The following DENND2A variants were observed in gnomAD, a reference collection of about 807,000 sequenced individuals.
DENND2A encodes the protein DENN domain containing 2A.
A neutral mutation model predicts 105.3 loss-of-function variants in DENND2A; 53 were observed. That is an observed-to-expected ratio of 0.50 (90% CI 0.40 to 0.63). The LOEUF (loss-of-function observed/expected upper bound fraction) is 0.63, where lower values mean the gene tolerates loss of function less well. Ranked by LOEUF, DENND2A falls within the 30% of genes least tolerant of loss-of-function variation. The probability of loss-of-function intolerance (pLI) is 0.00; values close to 1 mark genes in which losing one functional copy is unlikely to be tolerated. For synonymous variants in DENND2A, 522 were observed against 508.4 expected, an observed-to-expected ratio of 1.03 and a Z score of -0.36; for missense variants, 1,138 against 1,279.6, an observed-to-expected ratio of 0.89 and a Z score of 1.69.
intron 15 of DENND2A, among the ~76,000 whole-genome samples, chr7:140,526,184 C>T (rs1796048996): frequency 6.6e-6 from 1 of 152,210 alleles, no homozygotes. Flanking sequence ...CCCCCAGCTG[C>T]CCACTTAACC....
At chr7:140,547,809 A>C (rs1796967741) in intron 12 of DENND2A, among the ~76,000 whole-genome samples, 1 of 152,212 alleles carries the variant, frequency 6.6e-6, no homozygotes, top group East Asian at 1.9e-4. Flanking sequence ...TGGCCATCAA[A>C]GTGCTGATAC....
rs1214946926 is a variant in DENND2A at position 140,588,754 on chromosome 7, C to CT, written c.996-975dup. Among the ~76,000 whole-genome samples, 9 of 142,494 alleles carry CT rather than the reference C, an allele frequency of 6.3e-5. No homozygotes were observed. The East Asian group carries it at 1.6e-3, about 25-fold the overall frequency. The allele number at this position is 142,494 out of a possible 152,430, so 93.5% of individuals were successfully genotyped here. ...AACCCAAAATTACTATTCTTATCCA[C>CT]TTTTTTTGGCACTTTTTTTTTTTTT... On this transcript the variant is annotated intron_variant, in intron 3 of 19. Coordinates refer to ENST00000496613, the MANE Select transcript of DENND2A (RefSeq NM_015689.5).
intron 5 of DENND2A, among the ~76,000 whole-genome samples, chr7:140,585,208 T>TCAA (rs569871863): frequency 1.3e-5 from 2 of 152,120 alleles, no homozygotes; most frequent in Non-Finnish European, 2.9e-5. Flanking sequence ...CTCAATTAAA[T>TCAA]CAACAACAAC....
intron 3 of DENND2A, among the ~76,000 whole-genome samples, chr7:140,590,731 G>A (rs1183993844): frequency 6.6e-6 from 1 of 152,084 alleles, no homozygotes; most frequent in Non-Finnish European, 1.5e-5. Context: ...AATTAGCTGG[G>A]CATGGTGGCA....
chr7:140,580,691 T>C (rs1372699158), intron 5 of DENND2A, among the ~76,000 whole-genome samples: 3 of 151,926 alleles, frequency 2.0e-5, no homozygotes, highest in African/African-American at 7.3e-5. Flanking sequence ...GGCTGGAGTG[T>C]AGTGGTGCAA....
chr7:140,533,238 G>A (rs1156972433), intron 14 of DENND2A, among the ~76,000 whole-genome samples: 9 of 152,046 alleles, frequency 5.9e-5, no homozygotes, highest in Non-Finnish European at 7.4e-5. Flanking sequence ...TGATCCACCC[G>A]ATTCAGCCTC....
At chr7:140,526,053 G>A (rs1378892334) in intron 15 of DENND2A, among the ~76,000 whole-genome samples, 1 of 152,182 alleles carries the variant, frequency 6.6e-6, no homozygotes, top group Non-Finnish European at 1.5e-5. Flanking sequence ...CTCACCGCCT[G>A]GCTTTCACAC....
chr7:140,557,248 T>C (rs1192725095), intron 11 of DENND2A, among the ~76,000 whole-genome samples: 2 of 151,212 alleles, frequency 1.3e-5, no homozygotes, highest in African/African-American at 2.4e-5. Flanking sequence ...CTACAAATAA[T>C]TAAAAAATTA....
intron 3 of DENND2A, among the ~76,000 whole-genome samples, chr7:140,595,476 G>C (rs10242147): frequency 0.01 from 1,549 of 152,196 alleles, 19 homozygotes; most frequent in African/African-American, 0.035. Context: ...GATTAAAAAA[G>C]CTTGGCTACA....
At chr7:140,614,859 T>C (rs1800026644) in intron 1 of DENND2A, among the ~76,000 whole-genome samples, 1 of 152,212 alleles carries the variant, frequency 6.6e-6, no homozygotes, top group Non-Finnish European at 1.5e-5. Context: ...TCATTTTCTT[T>C]AAACAAACAA....
chr7:140,583,326 A>T (rs757485645), intron 5 of DENND2A, among the ~76,000 whole-genome samples: 3 of 149,846 alleles, frequency 2.0e-5, no homozygotes, highest in Admixed American at 6.6e-5. Context: ...CAAACAAACA[A>T]GCAAACAAAA....
At chr7:140,536,979 T>C (rs1284105228) in intron 14 of DENND2A, among the ~76,000 whole-genome samples, 2 of 152,218 alleles carry the variant, frequency 1.3e-5, no homozygotes, top group East Asian at 1.9e-4. Context: ...GTGTTTTTCA[T>C]AGGACTTTGC....
In DENND2A at chr7:140,519,167, CTA is replaced by C. The variant is rs1563112444; in HGVS notation, c.2999-431_2999-430del. Among the ~76,000 whole-genome samples the C allele has an allele frequency of 2.5e-3, 383 of 152,318 alleles. 2 individuals carry two copies. Among genetic ancestry groups the C allele is most frequent in the African/African-American group, 8.9e-3 (371 of 41,578 alleles). On this transcript the variant is annotated intron_variant, in intron 19 of 19. Coordinates refer to ENST00000496613, the MANE Select transcript of DENND2A (RefSeq NM_015689.5). ...GGGCCTCACTGCTGCAGACACCTCC[CTA>C]CTGGGGCCTCCGTCCTCTTTTTTGG...
At chr7:140,592,670 G>T (rs915354073) in intron 3 of DENND2A, among the ~76,000 whole-genome samples, 4 of 151,460 alleles carry the variant, frequency 2.6e-5, no homozygotes, top group African/African-American at 9.7e-5. Flanking sequence ...GGCGATCTCA[G>T]CTCACTGCAA....
intron 1 of DENND2A, among the ~76,000 whole-genome samples, chr7:140,626,016 C>T (rs1252817303): frequency 1.3e-5 from 2 of 152,142 alleles, no homozygotes; most frequent in Non-Finnish European, 2.9e-5. Context: ...CTTACTATTG[C>T]CTCCCCTTCT....
chr7:140,605,186 G>T (rs1013084221), intron 2 of DENND2A, among the ~76,000 whole-genome samples: 4 of 152,162 alleles, frequency 2.6e-5, no homozygotes, highest in Non-Finnish European at 4.4e-5. Flanking sequence ...AGAGTTTCTA[G>T]AGTTCCTGTT....
At chr7:140,564,364 G>A (rs556212795) in intron 9 of DENND2A, among the ~76,000 whole-genome samples, 159 of 151,700 alleles carry the variant, frequency 1.0e-3, no homozygotes, top group African/African-American at 3.7e-3. Flanking sequence ...TGGTTACATA[G>A]AAAAATAGAC....
intron 14 of DENND2A, among the ~76,000 whole-genome samples, chr7:140,538,688 T>G (rs549222488): frequency 5.3e-4 from 81 of 152,010 alleles, no homozygotes; most frequent in Non-Finnish European, 1.0e-3. Flanking sequence ...GTATTTTTAA[T>G]GGAGACGGGG....
At chr7:140,632,797 C>A (rs1471269123) in intron 1 of DENND2A, among the ~76,000 whole-genome samples, 1 of 151,062 alleles carries the variant, frequency 6.6e-6, no homozygotes, top group Non-Finnish European at 1.5e-5. Flanking sequence ...CTCCTGACCT[C>A]AGGTGATCCG....
Sources: gnomAD v4.1 joint callset for allele counts (sites outside exome capture counted in the v4.1 genomes callset) on GRCh38, gnomAD v4.1.1 for gene constraint, MANE v1.5 for transcripts, NCBI Gene and HGNC (gene_info 2026-07-23, HGNC 2026-07-21) for gene names.